Variants in RCN1 observed in about 807,000 individuals in gnomAD.
The protein encoded by RCN1 is reticulocalbin 1.
A neutral mutation model predicts 34.7 loss-of-function variants in RCN1; 14 were observed. The ratio of observed to expected loss-of-function variants is 0.40; its 90% CI spans 0.27 to 0.63. RCN1 has a LOEUF of 0.63. RCN1 is among the 30% of genes least tolerant of loss of function. The pLI is 0.37. For missense variants in RCN1, 326 were observed against 425.1 expected (o/e 0.77, Z 2.05); for synonymous variants, 125 against 165.5 (o/e 0.76, Z 1.88).
intron 5 of RCN1, among the ~76,000 whole-genome samples, chr11:32,103,729 G>C (rs1852075109): frequency 6.6e-6 from 1 of 152,180 alleles, no homozygotes; most frequent in Admixed American, 6.5e-5. Context: ...CATTTCCTAA[G>C]ATTGCAGAAC....
chr11:32,102,011 G>A (rs895535962), intron 4 of RCN1: 26 of 152,144 alleles, frequency 1.7e-4, no homozygotes, highest in African/African-American at 5.6e-4. Flanking sequence ...CAGTGAATAG[G>A]GAGAGGGAGG....
intron 5 of RCN1, 55 bp downstream of exon 5, chr11:32,103,535 C>A (rs1852072800): frequency 6.5e-7 from 1 of 1,532,136 alleles, no homozygotes; most frequent in Admixed American, 1.7e-5. Flanking sequence ...TACATAAGAT[C>A]GGTTTTGTTT....
At chr11:32,100,206 A>G (rs1852019529) in intron 3 of RCN1, among the ~76,000 whole-genome samples, 1 of 152,220 alleles carries the variant, frequency 6.6e-6, no homozygotes, top group Admixed American at 6.5e-5. Flanking sequence ...TGGTTCTCAC[A>G]CTGGGTTTCT....
intron 4 of RCN1, 50 bp downstream of exon 4, chr11:32,100,658 A>G (rs1852027187): frequency 6.9e-7 from 1 of 1,439,758 alleles, no homozygotes; most frequent in Non-Finnish European, 9.8e-7. Context: ...GGGCCACATG[A>G]CCCCACCCAC....
rs1360125668 is a variant in RCN1, at chr11:32,104,979, G to A, written c.*507G>A. ...CTAATATTTCAGATTCTTTCTTTTCGACTTTATACTCTGAGTTATTACTTA... is the reference window on the plus strand; with the variant it reads ...CTAATATTTCAGATTCTTTCTTTTCAACTTTATACTCTGAGTTATTACTTA... On this transcript the variant is annotated 3_prime_UTR_variant, in exon 6 of 6. Transcript: ENST00000054950. 6 of 168,638 alleles carry A rather than the reference G, an allele frequency of 3.6e-5. No individual in the cohort carries two copies. Among genetic ancestry groups the A allele is most frequent in the African/African-American group, 4.8e-5 (2 of 41,402 alleles). The allele number at this position is 168,638 out of a possible 1,614,324, so 10.4% of individuals were successfully genotyped here. A position where few individuals can be genotyped will look rare whatever the true frequency, so the allele number is the denominator to read the frequency against.
chr11:32,103,048 G>A (rs951148794), intron 4 of RCN1: 1 of 626,706 alleles, frequency 1.6e-6, no homozygotes, highest in African/African-American at 1.8e-5. Context: ...TCAAAAGCCG[G>A]GATTTATCTT....
intron 3 of RCN1, among the ~76,000 whole-genome samples, chr11:32,099,474 G>A (rs11031588): frequency 0.13 from 20,263 of 152,226 alleles, 1,525 homozygotes; most frequent in East Asian, 0.29. Context: ...AATTATGGCT[G>A]GAAGAGATGC....
At chr11:32,097,115 GTTTC>G in intron 1 of RCN1, 25 bp from the exon 2 acceptor site, 1 of 1,330,660 alleles carries the variant, frequency 7.5e-7, no homozygotes, top group Non-Finnish European at 1.0e-6. Context: ...CTGTGTGTGG[GTTTC>G]TTTTTTTTTT....
chr11:32,098,597 C>A, intron 3 of RCN1, 69 bp downstream of exon 3: 1 of 1,242,674 alleles, frequency 8.0e-7, no homozygotes, highest in Non-Finnish European at 1.1e-6. Context: ...CTTGTCTCTT[C>A]CAAAGAGAGA....
Position 32,103,415 on chromosome 11 carries a change from C to A in RCN1, c.823C>A (p.Pro275Thr), listed in dbSNP as rs1169543565. The A allele has an allele frequency of 3.1e-6, 5 of 1,613,888 alleles. No homozygotes were observed. Among genetic ancestry groups the A allele is most frequent in the Non-Finnish European group, 4.2e-6 (5 of 1,179,754 alleles). ...DKDEIRHWIL[P>T]QDYDHAQAEA... ...AGATGAGATTCGCCACTGGATCCTC[C>A]CTCAAGATTATGATCATGCACAGGC... The change falls in exon 5 of 6, where the codon CCT becomes ACT. Residue 275 changes from proline (P) to threonine (T), a missense_variant. By Grantham distance (38) the Pro-to-Thr change is conservative. Coordinates refer to ENST00000054950, the MANE Select transcript of RCN1 (RefSeq NM_002901.4).
chr11:32,094,267 C>G (rs1851948532), intron 1 of RCN1, among the ~76,000 whole-genome samples: 1 of 152,106 alleles, frequency 6.6e-6, no homozygotes, highest in African/African-American at 2.4e-5. Context: ...CTCTAAGGCC[C>G]CTAAAGACAC....
Position 32,098,341 on chromosome 11 carries a change from A to G in RCN1, c.449-9A>G, listed in dbSNP as rs1851996084. 1 of 1,606,418 alleles carries G rather than the reference A, an allele frequency of 6.2e-7. No homozygotes were observed. The highest frequency in any genetic ancestry group is 8.5e-7 in the Non-Finnish European group (1 of 1,177,602). On this transcript the variant is annotated splice_polypyrimidine_tract_variant and intron_variant, in intron 2 of 5. Coordinates refer to ENST00000054950, the MANE Select transcript of RCN1 (RefSeq NM_002901.4). ...TTTAAAAACATTTCTGCATACATAC[A>G]TCCTGCAGGAAACCCCGCAGAGTTT...
intron 4 of RCN1, chr11:32,102,832 C>A: frequency 3.1e-6 from 1 of 323,116 alleles, no homozygotes; most frequent in Non-Finnish European, 5.9e-6. Flanking sequence ...CAAATGAAAA[C>A]TGTGTGTAGA....
chr11:32,104,518 T>C lies in RCN1; in HGVS notation c.*46T>C. The stretch of plus-strand genomic sequence containing the variant: ...GCAGACTGTCATAGGCATTCTGTTA[T>C]TGTCTTGGATTGTTGCTACAATTGT... On this transcript the variant is annotated 3_prime_UTR_variant, in exon 6 of 6. Coordinates refer to ENST00000054950, the MANE Select transcript of RCN1 (RefSeq NM_002901.4). 1.0e-6 allele frequency: 1 copy of C among 993,514 alleles called. No homozygotes were observed. The highest frequency in any genetic ancestry group is 1.6e-6 in the Non-Finnish European group (1 of 631,866). The allele number at this position is 993,514 out of a possible 1,614,324, so 61.5% of individuals were successfully genotyped here.
At chr11:32,102,539 T>C (rs1359458637) in intron 4 of RCN1, 1 of 153,286 alleles carries the variant, frequency 6.5e-6, no homozygotes, top group Non-Finnish European at 1.5e-5. Flanking sequence ...ACGTTTCCTT[T>C]TTCTTTTCCT....
rs1277707219 is a variant in RCN1, at chr11:32,103,499, G to T, written c.888+19G>T. On this transcript the variant is annotated intron_variant, in intron 5 of 5. Coordinates refer to ENST00000054950, the MANE Select transcript of RCN1 (RefSeq NM_002901.4). ...AAACAAGGTATTTCCCATTCTTCTG[G>T]AATCACTGATTGAAGGGAGACAGTT... 2.5e-6 allele frequency: 4 copies of T among 1,603,842 alleles called. No individual in the cohort carries two copies. The highest frequency in any genetic ancestry group is 3.4e-6 in the Non-Finnish European group (4 of 1,170,798).
chr11:32,093,225 A>G (rs1851940042), intron 1 of RCN1, among the ~76,000 whole-genome samples: 1 of 152,248 alleles, frequency 6.6e-6, no homozygotes, highest in Admixed American at 6.5e-5. Context: ...GTGACGGTGA[A>G]GTTGGTCTGG....
At chr11:32,093,507 G>A (rs529049583) in intron 1 of RCN1, among the ~76,000 whole-genome samples, 2 of 152,284 alleles carry the variant, frequency 1.3e-5, no homozygotes, top group East Asian at 3.9e-4. Context: ...TTAGAGAGAG[G>A]GGATTGGGGC....
In RCN1 at chr11:32,097,348, C is replaced by T. The variant is rs149734507; in HGVS notation, c.448+11C>T. ...ATGGTTACTACCTAGGTAAGAGGTG[C>T]TGCAGGAGCGATGACACAGTGGGGG... is the stretch of plus-strand genomic sequence containing the variant. On this transcript the variant is annotated intron_variant, in intron 2 of 5. Coordinates refer to ENST00000054950, the MANE Select transcript of RCN1 (RefSeq NM_002901.4). 20,033 of 1,521,698 alleles carry T rather than the reference C, an allele frequency of 0.013. 161 individuals carry two copies. The highest frequency in any genetic ancestry group is 0.016 in the Middle Eastern group (93 of 5,664). 94.3% of individuals were successfully genotyped at this position (1,521,698 alleles called of 1,614,324 possible).
Sources: gnomAD v4.1 joint callset for allele counts (sites outside exome capture counted in the v4.1 genomes callset) on GRCh38, gnomAD v4.1.1 for gene constraint, MANE v1.5 for transcripts, NCBI Gene and HGNC (gene_info 2026-07-23, HGNC 2026-07-21) for gene names.